The following SCAP variants were observed in gnomAD, a reference collection of about 807,000 sequenced individuals.
The protein encoded by SCAP is SREBF chaperone, also known as sterol regulatory element-binding protein cleavage-activating protein.
Under a neutral mutation model 123.6 loss-of-function variants are expected in SCAP, and 65 were observed. The observed-to-expected ratio is 0.53, with a 90% confidence interval of 0.43 to 0.65. The LOEUF (loss-of-function observed/expected upper bound fraction) is 0.65, where lower values mean the gene tolerates loss of function less well. Ranked by LOEUF, SCAP falls within the 30% of genes least tolerant of loss-of-function variation. SCAP has a pLI of 0.00. For missense variants in SCAP, 1,398 were observed against 1,712.5 expected (o/e 0.82, Z 3.24); for synonymous variants, 740 against 726.3 (o/e 1.02, Z -0.30).
rs1317562100 is a variant in SCAP, at chr3:47,450,235, G to A, written c.-98-7144C>T. Among the ~76,000 whole-genome samples the A allele has an allele frequency of 1.6e-5, 2 of 123,596 alleles. 1 individual carries two copies. 81.1% of individuals were successfully genotyped at this position (123,596 alleles called of 152,430 possible). ...CTGGTCTCCAATTCCTGACCTCAAT[G>A]AATCTGCCTGCCTCAGCCTCCCAAA... On this transcript the variant is annotated intron_variant, in intron 1 of 22. Coordinates refer to ENST00000265565, the MANE Select transcript of SCAP (RefSeq NM_012235.4).
chr3:47,433,105 C>T (rs1227836620), intron 3 of SCAP, among the ~76,000 whole-genome samples: 1 of 152,208 alleles, frequency 6.6e-6, no homozygotes, highest in African/African-American at 2.4e-5. Flanking sequence ...CAAACTATAT[C>T]GTGCTTAAGT....
rs1404578585 is a variant in SCAP at position 47,450,948 on chromosome 3, G to A, written c.-98-7857C>T. ...TTACTGTAGCCTTGAATTCCTGGAC[G>A]CAGTCCTCCCAGCTCAGCTTCCCGT... On this transcript the variant is annotated intron_variant, in intron 1 of 22. Coordinates refer to ENST00000265565, the MANE Select transcript of SCAP (RefSeq NM_012235.4). Among the ~76,000 whole-genome samples, 5 of 121,038 alleles carry A rather than the reference G, an allele frequency of 4.1e-5. 2 individuals carry two copies. The highest frequency in any genetic ancestry group is 8.5e-5 in the African/African-American group (3 of 35,322). 79.4% of individuals were successfully genotyped at this position (121,038 alleles called of 152,430 possible). A position where few individuals can be genotyped will look rare whatever the true frequency, so the allele number is the denominator to read the frequency against.
intron 1 of SCAP, among the ~76,000 whole-genome samples, chr3:47,465,655 C>T (rs1234748565): frequency 6.6e-6 from 1 of 151,902 alleles, no homozygotes; most frequent in Non-Finnish European, 1.5e-5. Context: ...TGTAGTCCCA[C>T]CTACTTAGCA....
At position 47,415,114 on chromosome 3, in the gene SCAP, GC is replaced by G. The variant is rs753938805; in HGVS notation, c.3122del (p.Ser1041ThrfsTer30). 1 of 1,611,610 alleles carries G rather than the reference GC, an allele frequency of 6.2e-7. No homozygotes were observed. Among genetic ancestry groups the G allele is most frequent in the South Asian group, 1.1e-5 (1 of 90,864 alleles). ...CCCTCCGACCTCTAAACTGCAGGGG[GC>G]TGAGGGCAGTGTGGGTCTCCAAGGA... is the stretch of plus-strand genomic sequence containing the variant. Reference protein sequence around the residue: ...FFSLETHTALSPLQFRGTPGR... With the variant: ...FFSLETHTALXPLQFRGTPGR... On this transcript the variant is annotated frameshift_variant, in exon 19 of 23. Coordinates refer to ENST00000265565, the MANE Select transcript of SCAP (RefSeq NM_012235.4). LOFTEE classifies it high-confidence loss of function.
At chr3:47,462,075 A>C (rs1707662166) in intron 1 of SCAP, among the ~76,000 whole-genome samples, 1 of 152,172 alleles carries the variant, frequency 6.6e-6, no homozygotes, top group African/African-American at 2.4e-5. Flanking sequence ...TGTTTACTAT[A>C]ATCAGTGACA....
At chr3:47,476,771 C>T (rs139156863), upstream of SCAP, among the ~76,000 whole-genome samples, 319 of 152,244 alleles carry the variant, frequency 2.1e-3, 1 homozygote, top group Non-Finnish European at 3.6e-3. Flanking sequence ...AAACACAGGT[C>T]CCCACCTGCC....
chr3:47,469,925 C>T (rs755723690), intron 1 of SCAP: 1 of 458,604 alleles, frequency 2.2e-6, no homozygotes. Context: ...TCTTAGTTCA[C>T]TGCCACAGCT....
chr3:47,462,753 C>CAAAAAAAAAAA (rs369097240), intron 1 of SCAP, among the ~76,000 whole-genome samples: 2 of 79,640 alleles, frequency 2.5e-5, no homozygotes, highest in Non-Finnish European at 5.0e-5. Flanking sequence ...AACTCCGTCT[C>CAAAAAAAAAAA]AAAAAAAAAA....
intron 1 of SCAP, among the ~76,000 whole-genome samples, chr3:47,462,131 A>C (rs557596309): frequency 9.2e-5 from 14 of 152,312 alleles, no homozygotes; most frequent in Non-Finnish European, 2.1e-4. Context: ...ATTAACATAA[A>C]CATCATTTTA....
chr3:47,430,384 G>A lies in SCAP; in HGVS notation c.253-1714C>T, dbSNP rs143174139. On this transcript the variant is annotated intron_variant, in intron 3 of 22. Transcript: ENST00000265565. ...TGCAACCCTCAGTAACAGGCATGTC[G>A]CGGAGCACCCCAAAACATGCTGGGT... Among the ~76,000 whole-genome samples the A allele has an allele frequency of 1.3e-3, 194 of 152,246 alleles. 1 individual carries two copies. The highest frequency in any genetic ancestry group is 1.8e-3 in the Non-Finnish European group (125 of 68,024).
At chr3:47,428,888 G>C (rs533186051) in intron 3 of SCAP, 1 of 497,486 alleles carries the variant, frequency 2.0e-6, no homozygotes, top group South Asian at 2.8e-5. Flanking sequence ...TAAAAGAACT[G>C]GCTGAAATAA....
intron 16 of SCAP, 49 bp from the exon 17 acceptor site, chr3:47,417,875 A>AGAGGGGGCACGGGGGCGGGGGGGGG: frequency 4.5e-6 from 1 of 223,382 alleles, no homozygotes; most frequent in Non-Finnish European, 8.2e-6. Flanking sequence ...GAGGGGGGTG[A>AGAGGGGGCACGGGGGCGGGGGGGGG]GAGGGGGCGG....
intron 1 of SCAP, among the ~76,000 whole-genome samples, chr3:47,454,489 G>A (rs886485042): frequency 2.6e-5 from 4 of 152,146 alleles, no homozygotes; most frequent in Non-Finnish European, 5.9e-5. Context: ...CACTTTGGGA[G>A]ACCAAGGCTG....
intron 2 of SCAP, 85 bp from the exon 3 acceptor site, chr3:47,435,222 A>G (rs891984726): frequency 2.8e-6 from 4 of 1,432,920 alleles, no homozygotes; most frequent in African/African-American, 2.9e-5. Flanking sequence ...ACTGGAGTTA[A>G]TAACTAAATT....
At chr3:47,425,832 C>A (rs1706103815) in intron 7 of SCAP, among the ~76,000 whole-genome samples, 165 bp downstream of exon 7, 1 of 152,066 alleles carries the variant, frequency 6.6e-6, no homozygotes, top group African/African-American at 2.4e-5. Context: ...CCCGGCCCCA[C>A]CCAAGCTCCT....
At chr3:47,416,386 A>T (rs2107752214) in intron 18 of SCAP, among the ~76,000 whole-genome samples, 1 of 152,362 alleles carries the variant, frequency 6.6e-6, no homozygotes, top group African/African-American at 2.4e-5. Flanking sequence ...AGAGCAGAGA[A>T]CAGCTGCCAG....
At position 47,413,782 on chromosome 3, in the gene SCAP, C is replaced by CCAAGT; in HGVS notation, c.*67_*71dup. ...GCTGGAAGATACTCGGCTCTTTCCC[C>CCAAGT]CAAGTCCAGGTTCAGTGCATTGGCC... On this transcript the variant is annotated 3_prime_UTR_variant, in exon 23 of 23. Coordinates refer to ENST00000265565, the MANE Select transcript of SCAP (RefSeq NM_012235.4). The CCAAGT allele has an allele frequency of 6.5e-7, 1 of 1,546,810 alleles. No individual in the cohort carries two copies. Among genetic ancestry groups the CCAAGT allele is most frequent in the Non-Finnish European group, 8.7e-7 (1 of 1,145,732 alleles).
At chr3:47,469,262 C>T (rs1363808014) in intron 1 of SCAP, among the ~76,000 whole-genome samples, 2 of 152,168 alleles carry the variant, frequency 1.3e-5, no homozygotes, top group Non-Finnish European at 2.9e-5. Flanking sequence ...ACAGAAGAAT[C>T]GCTTGAACCG....
At chr3:47,462,514 G>A (rs1377978126) in intron 1 of SCAP, among the ~76,000 whole-genome samples, 2 of 152,208 alleles carry the variant, frequency 1.3e-5, no homozygotes, top group African/African-American at 4.8e-5. Context: ...TGAAAGGGCT[G>A]ACCATAAAGA....
Sources: gnomAD v4.1 joint callset for allele counts (sites outside exome capture counted in the v4.1 genomes callset) on GRCh38, gnomAD v4.1.1 for gene constraint, MANE v1.5 for transcripts, NCBI Gene and HGNC (gene_info 2026-07-23, HGNC 2026-07-21) for gene names.